Variants in RAPGEF1 observed in about 807,000 individuals in gnomAD.
The protein encoded by RAPGEF1 is Rap guanine nucleotide exchange factor 1.
A neutral mutation model predicts 143.3 loss-of-function variants in RAPGEF1; 33 were observed. The ratio of observed to expected loss-of-function variants is 0.23; its 90% confidence interval spans 0.17 to 0.31. RAPGEF1 has a LOEUF of 0.31. RAPGEF1 is among the 10% of genes least tolerant of loss of function. The probability of loss-of-function intolerance (pLI) is 1.00; values close to 1 mark genes in which losing one functional copy is unlikely to be tolerated. For synonymous variants in RAPGEF1, 629 were observed against 676.5 expected (o/e 0.93, Z 1.09); for missense variants, 1,199 against 1,645.4 (o/e 0.73, Z 4.69).
At chr9:131,610,397 A>T (rs1424681445) in intron 12 of RAPGEF1, among the ~76,000 whole-genome samples, 1 of 152,250 alleles carries the variant, frequency 6.6e-6, no homozygotes, top group Non-Finnish European at 1.5e-5. Flanking sequence ...GAGAATTGTC[A>T]GCTCCACCAG....
chr9:131,713,466 C>T (rs1835651530), intron 1 of RAPGEF1, among the ~76,000 whole-genome samples: 1 of 152,126 alleles, frequency 6.6e-6, no homozygotes, highest in African/African-American at 2.4e-5. Flanking sequence ...TCCTCATGAC[C>T]AGAGGAGGCA....
chr9:131,697,969 G>A (rs774966847), intron 1 of RAPGEF1, among the ~76,000 whole-genome samples: 2 of 152,172 alleles, frequency 1.3e-5, no homozygotes, highest in African/African-American at 2.4e-5. Flanking sequence ...AAAGTGGGGC[G>A]TGAAGGGGAA....
At chr9:131,620,872 G>A (rs1960740835) in intron 11 of RAPGEF1, among the ~76,000 whole-genome samples, 1 of 152,178 alleles carries the variant, frequency 6.6e-6, no homozygotes, top group Non-Finnish European at 1.5e-5. Flanking sequence ...CTCTCGCAAT[G>A]GATAAAAGAT....
intron 3 of RAPGEF1, among the ~76,000 whole-genome samples, chr9:131,647,068 T>C (rs1162963284): frequency 6.6e-6 from 1 of 152,210 alleles, no homozygotes; most frequent in African/African-American, 2.4e-5. Flanking sequence ...ATTGTAATTA[T>C]ACCTTTGGAC....
intron 16 of RAPGEF1, among the ~76,000 whole-genome samples, chr9:131,597,178 T>C (rs961204256): frequency 2.0e-5 from 3 of 152,250 alleles, no homozygotes; most frequent in African/African-American, 2.4e-5. Flanking sequence ...CCCTCTCAGC[T>C]GCGGTACACA....
At chr9:131,587,904 C>T (rs780376046) in intron 21 of RAPGEF1, 38 bp downstream of exon 21, 2 of 1,304,434 alleles carry the variant, frequency 1.5e-6, no homozygotes, top group South Asian at 1.4e-5. Flanking sequence ...CATTCAGGGA[C>T]AAACAGTGTG....
intron 4 of RAPGEF1, 31 bp downstream of exon 4, chr9:131,643,208 T>C (rs771414444): frequency 1.9e-6 from 3 of 1,584,294 alleles, no homozygotes; most frequent in African/African-American, 1.4e-5. Context: ...TCCATTGTTC[T>C]GACACAGCCA....
chr9:131,586,979 C>T (rs1208449141), intron 22 of RAPGEF1, among the ~76,000 whole-genome samples: 1 of 121,598 alleles, frequency 8.2e-6, no homozygotes, highest in Admixed American at 7.9e-5. Flanking sequence ...CACACACACA[C>T]ACACACACCT....
chr9:131,625,999 A>G lies in RAPGEF1; in HGVS notation c.1625T>C (p.Val542Ala). 6.2e-7 allele frequency: 1 copy of G among 1,609,712 alleles called. No homozygotes were observed. The highest frequency in any genetic ancestry group is 8.5e-7 in the Non-Finnish European group (1 of 1,176,188). The change falls in exon 10 of 27, where the codon GTG becomes GCG. Residue 542 changes from valine to alanine, a missense_variant. Val to Ala is a moderately conservative substitution (Grantham distance 64). Transcript: ENST00000683357. ...HGGSSAPVEF[V>A]GDFTAPESTG... Reference sequence around the variant, plus strand: ...TGACTCAGGAGCAGTAAAATCACCCACAAATTCGACAGGGGCTGAGGAACC... The same window carrying G: ...TGACTCAGGAGCAGTAAAATCACCCGCAAATTCGACAGGGGCTGAGGAACC...
At chr9:131,705,622 G>C (rs938497734) in intron 1 of RAPGEF1, among the ~76,000 whole-genome samples, 1 of 152,122 alleles carries the variant, frequency 6.6e-6, no homozygotes, top group African/African-American at 2.4e-5. Flanking sequence ...AAATGAGTCA[G>C]ATTTCTCGAC....
chr9:131,727,647 C>A (rs1265596614), intron 1 of RAPGEF1, among the ~76,000 whole-genome samples: 2 of 152,172 alleles, frequency 1.3e-5, no homozygotes, highest in Non-Finnish European at 2.9e-5. Context: ...ATTTCTCCTG[C>A]CAAGCTGAGG....
intron 1 of RAPGEF1, among the ~76,000 whole-genome samples, chr9:131,730,400 G>A (rs1289221299): frequency 2.0e-5 from 3 of 151,336 alleles, no homozygotes; most frequent in African/African-American, 7.3e-5. Context: ...ACCAGCCTTA[G>A]GCTGGGAGGT....
At chr9:131,639,980 C>T (rs1340304245) in intron 4 of RAPGEF1, among the ~76,000 whole-genome samples, 5 of 152,074 alleles carry the variant, frequency 3.3e-5, no homozygotes, top group African/African-American at 9.7e-5. Flanking sequence ...AGAAAAGGGT[C>T]GGCAGGAATG....
At chr9:131,736,749 C>G (rs1302212038) in intron 1 of RAPGEF1, among the ~76,000 whole-genome samples, 1 of 152,194 alleles carries the variant, frequency 6.6e-6, no homozygotes, top group African/African-American at 2.4e-5. Context: ...ACTAAAAACG[C>G]TGGTTCTTCT....
In RAPGEF1 at chr9:131,616,503, G is replaced by T. The variant is rs978552344; in HGVS notation, c.2061+2548C>A. Among the ~76,000 whole-genome samples, 4 of 152,182 alleles carry T rather than the reference G, an allele frequency of 2.6e-5. No homozygotes were observed. The East Asian group carries it at 7.7e-4, about 29-fold the overall frequency. On this transcript the variant is annotated intron_variant, in intron 12 of 26. Transcript: ENST00000683357. ...AAACCCATCCCTGGTATCAGGGAAG[G>T]AGTGAATGAGAATACTTCTCAGTAT... is the stretch of plus-strand genomic sequence containing the variant.
chr9:131,604,844 G>A (rs1956841344), intron 13 of RAPGEF1, 87 bp downstream of exon 13: 9 of 1,213,656 alleles, frequency 7.4e-6, no homozygotes, highest in South Asian at 7.3e-5. Context: ...TTTCAGGAAC[G>A]TGAAACCGCT....
intron 11 of RAPGEF1, among the ~76,000 whole-genome samples, chr9:131,619,623 T>C (rs539610835): frequency 6.6e-6 from 1 of 152,296 alleles, no homozygotes; most frequent in African/African-American, 2.4e-5. Flanking sequence ...TCTCACCCGT[T>C]TGGCCTTGGG....
chr9:131,602,634 C>A (rs1956451018), intron 14 of RAPGEF1, among the ~76,000 whole-genome samples: 2 of 152,244 alleles, frequency 1.3e-5, no homozygotes, highest in Admixed American at 1.3e-4. Context: ...ACCTGCAAAG[C>A]CTGTGCCCTT....
intron 18 of RAPGEF1, 85 bp downstream of exon 18, chr9:131,592,014 C>G: frequency 1.3e-5 from 14 of 1,062,532 alleles, no homozygotes; most frequent in Non-Finnish European, 2.0e-5. Flanking sequence ...CTCGGCTTCC[C>G]CCACGAGGAC....
Sources: allele counts gnomAD v4.1 joint callset (sites outside exome capture counted in the v4.1 genomes callset), GRCh38; gene constraint gnomAD v4.1.1; transcripts MANE v1.5; gene names NCBI Gene and HGNC (gene_info 2026-07-23, HGNC 2026-07-21).